CCDC7: variants seen among roughly 807,000 people sequenced by gnomAD.
CCDC7 encodes coiled-coil domain containing 7, also known as coiled-coil domain-containing protein 7.
In CCDC7, 183 loss-of-function variants were observed where a neutral mutation model predicts 196.9. That is an observed-to-expected ratio of 0.93 (90% CI 0.82 to 1.05). CCDC7 has a LOEUF of 1.05. Among genes scored for constraint, CCDC7 ranks in the 50% least tolerant of loss-of-function variants. The pLI, the probability that CCDC7 is intolerant of heterozygous loss-of-function variation, is 0.00. For missense variants in CCDC7, 1,540 were observed against 1,482.2 expected, an observed-to-expected ratio of 1.04 and a Z score of -0.64; for synonymous variants, 525 against 484.6, an observed-to-expected ratio of 1.08 and a Z score of -1.10.
At chr10:32,730,124 C>G (rs376219040) in intron 28 of CCDC7, among the ~76,000 whole-genome samples, 3 of 152,208 alleles carry the variant, frequency 2.0e-5, no homozygotes, top group South Asian at 4.2e-4. Context: ...CACCCATTAG[C>G]TGTTCTTCCT....
intron 20 of CCDC7, among the ~76,000 whole-genome samples, chr10:32,638,864 C>CT (rs1490413458): frequency 6.6e-6 from 1 of 152,008 alleles, no homozygotes; most frequent in Non-Finnish European, 1.5e-5. Flanking sequence ...TGGTCCTGGA[C>CT]TTTTTTTGGT....
intron 29 of CCDC7, among the ~76,000 whole-genome samples, chr10:32,785,978 C>G (rs1466368783): frequency 6.6e-6 from 1 of 152,150 alleles, no homozygotes; most frequent in Non-Finnish European, 1.5e-5. Flanking sequence ...ATTAAACTTT[C>G]AACTCAGCCT....
intron 39 of CCDC7, 105 bp from the exon 41 acceptor site, chr10:32,851,702 A>G (rs971386469): frequency 9.1e-7 from 1 of 1,102,148 alleles, no homozygotes; most frequent in Non-Finnish European, 1.3e-6. Context: ...TTTGCTTTAT[A>G]TATTTAGATG....
intron 18 of CCDC7, among the ~76,000 whole-genome samples, chr10:32,628,949 G>T (rs1032792764): frequency 6.6e-6 from 1 of 152,120 alleles, no homozygotes; most frequent in South Asian, 2.1e-4. Context: ...GGCTGCATGT[G>T]CTTGAGAAGA....
At chr10:32,585,059 G>A (rs1413974346) in intron 18 of CCDC7, among the ~76,000 whole-genome samples, 1 of 151,252 alleles carries the variant, frequency 6.6e-6, no homozygotes, top group Non-Finnish European at 1.5e-5. Context: ...ATATTTTATT[G>A]CATTGACCTA....
intron 20 of CCDC7, among the ~76,000 whole-genome samples, chr10:32,662,541 T>C (rs1244705136): frequency 6.6e-6 from 1 of 152,156 alleles, no homozygotes; most frequent in African/African-American, 2.4e-5. Context: ...TATTAAATGA[T>C]GATAAGCATC....
intron 26 of CCDC7, 116 bp downstream of exon 27, chr10:32,726,948 C>A: frequency 1.5e-6 from 1 of 647,358 alleles, no homozygotes; most frequent in Non-Finnish European, 2.5e-6. Flanking sequence ...AAATCGTAGA[C>A]TTTGCCCTGA....
At chr10:32,654,461 G>A (rs978213931) in intron 20 of CCDC7, among the ~76,000 whole-genome samples, 5 of 152,060 alleles carry the variant, frequency 3.3e-5, no homozygotes, top group Non-Finnish European at 5.9e-5. Context: ...CTTTCCCAGG[G>A]TTTGTTATTT....
rs572272581 is a variant in CCDC7, at chr10:32,782,240, T to G, written c.3013+3156T>G. 4.3e-3 allele frequency among the ~76,000 whole-genome samples: 645 copies of G among 151,598 alleles called. 3 individuals are homozygous for G. Among genetic ancestry groups the G allele is most frequent in the African/African-American group, 3.7e-3 (151 of 41,344 alleles). On this transcript the variant is annotated intron_variant, in intron 29 of 41. Coordinates refer to ENST00000639629, the Ensembl canonical transcript of CCDC7. The stretch of plus-strand genomic sequence containing the variant: ...CTTGTTTTTTTTTTGTTTTTTTTGG[T>G]TTTTTTTTGAGATTGAGTCTTCCTC...
intron 13 of CCDC7, among the ~76,000 whole-genome samples, chr10:32,563,232 A>G (rs931470839): frequency 1.3e-5 from 2 of 152,144 alleles, no homozygotes; most frequent in African/African-American, 4.8e-5. Context: ...GCCCAAGGTA[A>G]TTTATAGATT....
chr10:32,494,072 G>A (rs917613791), intron 9 of CCDC7, among the ~76,000 whole-genome samples: 2 of 151,814 alleles, frequency 1.3e-5, no homozygotes, highest in Admixed American at 6.6e-5. Context: ...TTTTGCTTTT[G>A]TTACCTGTGC....
At position 32,544,321 on chromosome 10, in the gene CCDC7, T is replaced by C; in HGVS notation, c.1134+20T>C. The C allele has an allele frequency of 6.3e-7, 1 of 1,595,094 alleles. No individual in the cohort carries two copies. Among genetic ancestry groups the C allele is most frequent in the Non-Finnish European group, 8.5e-7 (1 of 1,170,370 alleles). ...GTACAGGTAACACACCCACTCTCTC[T>C]ATGCATCAATATTTGATTAATACTT... On this transcript the variant is annotated intron_variant, in intron 13 of 41. Coordinates refer to ENST00000639629, the Ensembl canonical transcript of CCDC7.
At chr10:32,783,084 T>C (rs2081302249) in intron 29 of CCDC7, among the ~76,000 whole-genome samples, 1 of 152,146 alleles carries the variant, frequency 6.6e-6, no homozygotes, top group African/African-American at 2.4e-5. Context: ...GGGAAAAGCC[T>C]TCATGACATT....
In CCDC7 at chr10:32,461,857, C is replaced by T. The variant is rs552420661; in HGVS notation, c.457-826C>T. On this transcript the variant is annotated intron_variant, in intron 3 of 41. Coordinates refer to ENST00000639629, the Ensembl canonical transcript of CCDC7. ...CGTGATCTCGGCTCACCGCAACCTCCGCCTCCCGGGTTCAAGTGATTCTTC... is the reference window on the plus strand; with the variant it reads ...CGTGATCTCGGCTCACCGCAACCTCTGCCTCCCGGGTTCAAGTGATTCTTC... Among the ~76,000 whole-genome samples the T allele has an allele frequency of 4.0e-4, 60 of 150,662 alleles. No individual in the cohort carries two copies. In the East Asian group the frequency reaches 0.01, roughly 26 times the overall value.
At chr10:32,845,404 A>G (rs1006512464) in intron 34 of CCDC7, 78 bp downstream of exon 35, 12 of 1,236,032 alleles carry the variant, frequency 9.7e-6, no homozygotes, top group Admixed American at 2.3e-5. Context: ...TAGACCTTTA[A>G]TAACAAAACT....
chr10:32,645,104 A>G (rs1182805400), intron 20 of CCDC7, among the ~76,000 whole-genome samples: 5 of 152,222 alleles, frequency 3.3e-5, no homozygotes, highest in Non-Finnish European at 7.4e-5. Flanking sequence ...AAAATGTTCA[A>G]CATCACTAAT....
intron 31 of CCDC7, among the ~76,000 whole-genome samples, chr10:32,815,537 C>T (rs1312831553): frequency 6.6e-6 from 1 of 151,764 alleles, no homozygotes; most frequent in African/African-American, 2.4e-5. Context: ...AATGGGAATA[C>T]CAGAAGGAGA....
intron 25 of CCDC7, among the ~76,000 whole-genome samples, chr10:32,712,548 T>C (rs548193431): frequency 6.6e-6 from 1 of 152,300 alleles, no homozygotes; most frequent in African/African-American, 2.4e-5. Context: ...GTTCAGAAAG[T>C]TAATGCTTCT....
chr10:32,511,655 T>C (rs2046226512), intron 9 of CCDC7: 1 of 1,572,120 alleles, frequency 6.4e-7, no homozygotes, highest in Non-Finnish European at 8.7e-7. Context: ...CAGCATCTCA[T>C]CCACAGCACC....
Sources: gnomAD v4.1 joint callset for allele counts (sites outside exome capture counted in the v4.1 genomes callset) on GRCh38, gnomAD v4.1.1 for gene constraint, MANE v1.5 for transcripts, NCBI Gene and HGNC (gene_info 2026-07-23, HGNC 2026-07-21) for gene names.